Variants in C1orf141 observed in about 807,000 individuals in gnomAD.
The protein encoded by C1orf141 is chromosome 1 open reading frame 141.
Under a neutral mutation model 23.2 loss-of-function variants are expected in C1orf141, and 19 were observed. The ratio of observed to expected loss-of-function variants is 0.82; its 90% CI spans 0.57 to 1.20. The LOEUF (loss-of-function observed/expected upper bound fraction) is 1.20, where lower values mean the gene tolerates loss of function less well. Ranked by LOEUF, C1orf141 falls within the 50% of genes most tolerant of loss-of-function variation. The pLI, the probability that C1orf141 is intolerant of heterozygous loss-of-function variation, is 0.00. For synonymous variants in C1orf141, 153 were observed against 154.6 expected (o/e 0.99, Z 0.08); for missense variants, 469 against 455.1 (o/e 1.03, Z -0.28).
intron 5 of C1orf141, among the ~76,000 whole-genome samples, chr1:67,109,109 C>A (rs1047656887): frequency 6.6e-6 from 1 of 151,984 alleles, no homozygotes; most frequent in African/African-American, 2.4e-5. Flanking sequence ...AGGCGGATCA[C>A]GAGGTCGGGA....
intron 5 of C1orf141, among the ~76,000 whole-genome samples, chr1:67,115,097 A>G (rs1363671972): frequency 6.6e-6 from 1 of 152,212 alleles, no homozygotes; most frequent in East Asian, 1.9e-4. Context: ...AAACTCAGAG[A>G]TTTTCTTTCT....
Position 67,093,472 on chromosome 1 carries a change from T to C in C1orf141, c.736A>G (p.Ile246Val), listed in dbSNP as rs374868457. 6.2e-7 allele frequency: 1 copy of C among 1,609,622 alleles called. No homozygotes were observed. The highest frequency in any genetic ancestry group is 8.5e-7 in the Non-Finnish European group (1 of 1,176,764). ...AGGATTTCACAATTTCTTTCTAAAATGAAATTTGTTCTTTTATGTGGGTAA... is the reference window on the plus strand; with the variant it reads ...AGGATTTCACAATTTCTTTCTAAAACGAAATTTGTTCTTTTATGTGGGTAA... ...NIYPHKRTNF[I>V]LERNCEILKS... The change falls in exon 8 of 8, where the codon ATT (isoleucine) becomes GTT (valine). Residue 246 changes from isoleucine (I) to valine (V), a missense_variant. Coordinates refer to ENST00000684719, the MANE Select transcript of C1orf141 (RefSeq NM_001276351.2).
intron 4 of C1orf141, among the ~76,000 whole-genome samples, chr1:67,120,547 CA>C (rs1445100394): frequency 6.6e-6 from 1 of 151,974 alleles, no homozygotes; most frequent in Admixed American, 6.6e-5. Flanking sequence ...TTGGGAGGTG[CA>C]GCCTTTAAGA....
rs76505600 is a variant in C1orf141 at position 67,134,700 on chromosome 1, G to A, written c.-104+230C>T. On this transcript the variant is annotated intron_variant, in intron 1 of 7. Coordinates refer to ENST00000684719, the MANE Select transcript of C1orf141 (RefSeq NM_001276351.2). ...AATATTTAGTTTAGAAGATGCAAAG[G>A]GTTCTTCCGCGAACCTGGAAGAGCC... Among the ~76,000 whole-genome samples the A allele has an allele frequency of 6.7e-4, 102 of 152,124 alleles. No individual in the cohort carries two copies. The Middle Eastern group carries it at 0.01, about 15-fold the overall frequency.
chr1:67,135,906 C>CAAAAAGAAAAAA (rs1646581010), upstream of C1orf141, among the ~76,000 whole-genome samples: 1 of 62,620 alleles, frequency 1.6e-5, no homozygotes, highest in African/African-American at 7.6e-5. Context: ...GGCAAAACTG[C>CAAAAAGAAAAAA]AAAAAAAAAA....
intron 2 of C1orf141, among the ~76,000 whole-genome samples, chr1:67,129,762 A>G (rs1646484518): frequency 1.3e-5 from 2 of 152,168 alleles, no homozygotes; most frequent in African/African-American, 4.8e-5. Flanking sequence ...TAGCTACTGA[A>G]AAGACCTGTG....
chr1:67,137,138 T>C (rs1353325319), upstream of C1orf141, among the ~76,000 whole-genome samples: 1 of 152,194 alleles, frequency 6.6e-6, no homozygotes, highest in East Asian at 1.9e-4. Context: ...AAAACTGCCC[T>C]TACTTCTGAC....
intron 5 of C1orf141, among the ~76,000 whole-genome samples, chr1:67,112,086 A>G (rs1402805872): frequency 6.6e-6 from 1 of 152,196 alleles, no homozygotes; most frequent in East Asian, 1.9e-4. Context: ...GGTCAGGCAT[A>G]CAGACTTTGG....
At chr1:67,117,629 T>C (rs1646221720) in intron 4 of C1orf141, among the ~76,000 whole-genome samples, 1 of 152,200 alleles carries the variant, frequency 6.6e-6, no homozygotes, top group African/African-American at 2.4e-5. Context: ...TAGGAGAGTG[T>C]AGTATACTAG....
At chr1:67,100,955 G>A (rs763399661) in intron 5 of C1orf141, among the ~76,000 whole-genome samples, 3 of 152,122 alleles carry the variant, frequency 2.0e-5, no homozygotes, top group Non-Finnish European at 4.4e-5. Flanking sequence ...TGACCCCAGG[G>A]TGGTGGTGGT....
intron 5 of C1orf141, among the ~76,000 whole-genome samples, chr1:67,109,801 A>G (rs1392375281): frequency 6.6e-6 from 1 of 152,208 alleles, no homozygotes; most frequent in Non-Finnish European, 1.5e-5. Flanking sequence ...TATTATTATC[A>G]TCATTTCCCA....
chr1:67,105,726 C>T (rs1416052695), intron 5 of C1orf141, among the ~76,000 whole-genome samples: 1 of 151,992 alleles, frequency 6.6e-6, no homozygotes, highest in Non-Finnish European at 1.5e-5. Flanking sequence ...AAGCAGGTGG[C>T]AAAGAAAAAG....
At chr1:67,137,562 T>C (rs1646596309), upstream of C1orf141, among the ~76,000 whole-genome samples, 1 of 152,206 alleles carries the variant, frequency 6.6e-6, no homozygotes, top group Admixed American at 6.5e-5. Context: ...GCCCTTGCCT[T>C]AAGTCACATT....
At chr1:67,125,711 C>A in intron 4 of C1orf141, 41 bp downstream of exon 4, 1 of 1,587,906 alleles carries the variant, frequency 6.3e-7, no homozygotes. Flanking sequence ...AACAAACAAA[C>A]AAATTCTGAA....
At chr1:67,125,696 T>C in intron 4 of C1orf141, 56 bp downstream of exon 4, 1 of 1,542,680 alleles carries the variant, frequency 6.5e-7, no homozygotes, top group Admixed American at 1.7e-5. Context: ...AGTCCTTGTT[T>C]CACAAACAAA....
intron 4 of C1orf141, among the ~76,000 whole-genome samples, chr1:67,117,579 T>C (rs1646220201): frequency 6.6e-6 from 1 of 152,136 alleles, no homozygotes; most frequent in African/African-American, 2.4e-5. Context: ...TTTCAAAAAA[T>C]GTATCTTATG....
At chr1:67,128,591 C>A (rs986164904) in intron 2 of C1orf141, among the ~76,000 whole-genome samples, 4 of 151,786 alleles carry the variant, frequency 2.6e-5, no homozygotes, top group Non-Finnish European at 5.9e-5. Flanking sequence ...GTAATCCCAG[C>A]GATTTGGGAG....
chr1:67,138,311 C>T (rs1041804298), upstream of C1orf141, among the ~76,000 whole-genome samples: 11 of 152,198 alleles, frequency 7.2e-5, no homozygotes, highest in African/African-American at 2.4e-4. Context: ...AGATAATGTG[C>T]TAGTTGGTCA....
At chr1:67,140,812 T>A (rs181115897) in intron 1 of C1orf141, among the ~76,000 whole-genome samples, 182 of 152,282 alleles carry the variant, frequency 1.2e-3, no homozygotes, top group Non-Finnish European at 1.9e-3. Context: ...CTTATTAGAT[T>A]TATTATGTGT....
Sources: allele counts gnomAD v4.1 joint callset (sites outside exome capture counted in the v4.1 genomes callset), GRCh38; gene constraint gnomAD v4.1.1; transcripts MANE v1.5; gene names NCBI Gene and HGNC (gene_info 2026-07-23, HGNC 2026-07-21).